The following SHC1 variants were observed in gnomAD, a reference collection of about 807,000 sequenced individuals.
SHC1 encodes SHC-transforming protein 1.
Under a neutral mutation model 55.9 loss-of-function variants are expected in SHC1, and 30 were observed. That is an observed-to-expected ratio of 0.54 (90% CI 0.40 to 0.73). SHC1 has a LOEUF of 0.73. SHC1 is among the 30% of genes least tolerant of loss of function. The pLI is 0.00. For synonymous variants in SHC1, 309 were observed against 306.1 expected, an observed-to-expected ratio of 1.01 and a Z score of -0.10; for missense variants, 675 against 777.1, an observed-to-expected ratio of 0.87 and a Z score of 1.56.
rs749625564 is a variant in SHC1, at chr1:154,966,176, G to A, written c.1238C>T (p.Pro413Leu). 2.5e-6 allele frequency: 4 copies of A among 1,614,166 alleles called. No homozygotes were observed. Among genetic ancestry groups the A allele is most frequent in the Non-Finnish European group, 2.5e-6 (3 of 1,180,010 alleles). Residue 413 changes from proline to leucine, a missense_variant, in exon 9 of 12, where the codon CCA becomes CTA. Physicochemically the swap from Pro to Leu is moderately conservative, Grantham distance 98 (BLOSUM62 -3). This residue lies in a region of SHC1 where 360 missense variants were observed against 371.1 expected (regional missense o/e 0.97). Transcript: ENST00000448116. ...TCCCTTCATACCTGGACAGGGTGGT[G>A]GAGGTGGCATCTGTTTGCGGACTTC... ...DPEVRKQMPP[P>L]PPCPAGRELF...
chr1:154,967,312 C>T (rs936188944), intron 7 of SHC1, among the ~76,000 whole-genome samples: 12 of 152,110 alleles, frequency 7.9e-5, no homozygotes, highest in Admixed American at 4.6e-4. Flanking sequence ...AAGAGATATC[C>T]TCCCAAACCC....
At position 154,963,884 on chromosome 1, in the gene SHC1, G is replaced by A; in HGVS notation, c.1674C>T (p.Ser558=). 6.2e-7 allele frequency: 1 copy of A among 1,614,166 alleles called. No individual in the cohort carries two copies. Among genetic ancestry groups the A allele is most frequent in the Admixed American group, 1.7e-5 (1 of 60,026 alleles). Residue 558 remains serine (S), a synonymous_variant, in exon 12 of 12, where the codon AGC becomes AGT. Transcript: ENST00000448116. ...HRFESVSHLI[S]YHMDNHLPII... Reference sequence around the variant, plus strand: ...TGGGCAAGTGATTGTCCATGTGGTAGCTGATAAGGTGACTGACACTTTCAA... The same window carrying A: ...TGGGCAAGTGATTGTCCATGTGGTAACTGATAAGGTGACTGACACTTTCAA...
chr1:154,971,495 C>G (rs1472295472), upstream of SHC1, among the ~76,000 whole-genome samples: 2 of 152,198 alleles, frequency 1.3e-5, no homozygotes, highest in African/African-American at 4.8e-5. Context: ...ACACCAAGAC[C>G]GATGGCTCAT....
intron 2 of SHC1, among the ~76,000 whole-genome samples, chr1:154,969,143 A>T (rs1187593958): frequency 1.3e-5 from 2 of 152,076 alleles, no homozygotes; most frequent in Non-Finnish European, 2.9e-5. Flanking sequence ...TCCACCTGCC[A>T]GCTGCTTCTG....
chr1:154,972,126 T>C (rs1385467003), upstream of SHC1, among the ~76,000 whole-genome samples: 3 of 151,570 alleles, frequency 2.0e-5, no homozygotes, highest in Non-Finnish European at 4.4e-5. Flanking sequence ...CGGGCACCTG[T>C]AATCCCAGCT....
rs1656628809 is a variant in SHC1, at chr1:154,970,499, A to T, written c.28T>A (p.Tyr10Asn). 1.9e-6 allele frequency: 3 copies of T among 1,611,138 alleles called. No individual in the cohort carries two copies. Among genetic ancestry groups the T allele is most frequent in the Non-Finnish European group, 2.5e-6 (3 of 1,179,098 alleles). MDLLPPKPKYNPLRNESLSS... is the reference protein window; with the variant it reads MDLLPPKPKNNPLRNESLSS... ...AGAGACTCATTCCGGAGTGGATTGT[A>T]CTTGGGCTTGGGGGGCAGGAGATCC... The change falls in exon 1 of 12, where the codon TAC becomes AAC. Residue 10 changes from tyrosine to asparagine, a missense_variant. Tyr to Asn is a moderately radical substitution (Grantham distance 143). Coordinates refer to ENST00000448116, the MANE Select transcript of SHC1 (RefSeq NM_001130040.2). The surrounding 1 kb of genome is among the most constrained non-coding windows in gnomAD (Gnocchi z 5.5).
At chr1:154,972,307 G>A (rs1364717248), upstream of SHC1, among the ~76,000 whole-genome samples, 3 of 151,796 alleles carry the variant, frequency 2.0e-5, no homozygotes, top group African/African-American at 7.3e-5. Flanking sequence ...ATTTACTTCA[G>A]AGAATTAAAA....
chr1:154,968,786 CG>C lies in SHC1; in HGVS notation c.614del (p.Ala205GlyfsTer21), dbSNP rs1558059090. Reference protein sequence around the residue: ...VCEAVPGAKGATRRRKPCSRP... With the variant: ...VCEAVPGAKGXTRRRKPCSRP... ...CCCCAAGTACCTTTCTCCTCCTTGT[CG>C]CCCCCTTAGCACCCGGCACAGCCTC... On this transcript the variant is annotated frameshift_variant, in exon 3 of 12. Transcript: ENST00000448116. LOFTEE classifies it high-confidence loss of function. The C allele has an allele frequency of 6.2e-7, 1 of 1,613,738 alleles. No homozygotes were observed. Among genetic ancestry groups the C allele is most frequent in the East Asian group, 2.2e-5 (1 of 44,868 alleles).
At chr1:154,972,995 C>T (rs16836583), upstream of SHC1, among the ~76,000 whole-genome samples, 1,188 of 152,172 alleles carry the variant, frequency 7.8e-3, 17 homozygotes, top group African/African-American at 0.027. Context: ...TAGTAGAAAA[C>T]TTTTGCTCAT....
In SHC1 at chr1:154,962,562, G is replaced by A. The variant is rs933197532; in HGVS notation, c.*1241C>T. Reference sequence around the variant, plus strand: ...CATTCGGGCTGACTTCTGCCTCTCAGTCTCGCGGTAAGAGACCCAAGTTTT... The same window carrying A: ...CATTCGGGCTGACTTCTGCCTCTCAATCTCGCGGTAAGAGACCCAAGTTTT... On this transcript the variant is annotated 3_prime_UTR_variant, in exon 12 of 12. Coordinates refer to ENST00000448116, the MANE Select transcript of SHC1 (RefSeq NM_001130040.2). 1 of 152,350 alleles carries A rather than the reference G, an allele frequency of 6.6e-6. No homozygotes were observed. The highest frequency in any genetic ancestry group is 2.1e-4 in the South Asian group (1 of 4,828). The allele number at this position is 152,350 out of a possible 1,614,324, so 9.4% of individuals were successfully genotyped here.
chr1:154,969,491 AC>A, intron 1 of SHC1, 43 bp from the exon 2 acceptor site: 2 of 1,349,420 alleles, frequency 1.5e-6, no homozygotes, highest in Non-Finnish European at 2.1e-6. Context: ...CGGCTCCCCC[AC>A]CCCAGCCCCT....
rs1393249547 is a variant in SHC1, at chr1:154,962,570, G to GT, written c.*1232dup. 1 of 152,382 alleles carries GT rather than the reference G, an allele frequency of 6.6e-6. No individual in the cohort carries two copies. The highest frequency in any genetic ancestry group is 1.5e-5 in the Non-Finnish European group (1 of 68,040). The allele number at this position is 152,382 out of a possible 1,614,324, so 9.4% of individuals were successfully genotyped here. ...CTGACTTCTGCCTCTCAGTCTCGCG[G>GT]TAAGAGACCCAAGTTTTTCTAGTCC... On this transcript the variant is annotated 3_prime_UTR_variant, in exon 12 of 12. Transcript: ENST00000448116.
Position 154,963,863 on chromosome 1 carries a change from C to G in SHC1, c.1695G>C (p.Leu565Phe), listed in dbSNP as rs1655582826. ...HLISYHMDNH[L>F]PIISAGSELC... ...GTTCGCTGCCCGCAGAGATGATGGG[C>G]AAGTGATTGTCCATGTGGTAGCTGA... Residue 565 changes from leucine (L) to phenylalanine (F), a missense_variant, in exon 12 of 12, where the codon TTG becomes TTC. Coordinates refer to ENST00000448116, the MANE Select transcript of SHC1 (RefSeq NM_001130040.2). 6.2e-7 allele frequency: 1 copy of G among 1,614,136 alleles called. No individual in the cohort carries two copies. The highest frequency in any genetic ancestry group is 8.5e-7 in the Non-Finnish European group (1 of 1,179,996).
chr1:154,967,854 A>AG, intron 6 of SHC1, 57 bp from the exon 7 acceptor site: 1 of 1,607,834 alleles, frequency 6.2e-7, no homozygotes, highest in Admixed American at 1.7e-5. Flanking sequence ...AGGCACAGAC[A>AG]GGGGCCCTCA....
At position 154,965,929 on chromosome 1, in the gene SHC1, G is replaced by C; in HGVS notation, c.1387+17C>G. 6.2e-7 allele frequency: 1 copy of C among 1,602,394 alleles called. No homozygotes were observed. The highest frequency in any genetic ancestry group is 8.5e-7 in the Non-Finnish European group (1 of 1,171,778). On this transcript the variant is annotated intron_variant, in intron 10 of 11. Transcript: ENST00000448116. ...TAGAAAGGTGGGGATGCAGAGAGGA[G>C]AGAGACGAGCACTCACTCATGTCAA...
intron 6 of SHC1, 54 bp from the exon 7 acceptor site, chr1:154,967,851 G>A (rs776106192): frequency 8.1e-6 from 13 of 1,608,594 alleles, no homozygotes; most frequent in Non-Finnish European, 1.0e-5. Flanking sequence ...AGGAGGCACA[G>A]ACAGGGGCCC....
At chr1:154,973,927 G>A (rs1368874773), upstream of SHC1, among the ~76,000 whole-genome samples, 1 of 152,152 alleles carries the variant, frequency 6.6e-6, no homozygotes, top group Non-Finnish European at 1.5e-5. Context: ...TAGGCCTTTT[G>A]ACAGGAGTTA....
rs763429772 is a variant in SHC1, at chr1:154,966,527, A to G, written c.984-10T>C. The G allele has an allele frequency of 3.2e-6, 5 of 1,553,476 alleles. No individual in the cohort carries two copies. The Admixed American group carries it at 7.5e-5, about 23-fold the overall frequency. Reference sequence around the variant, plus strand: ...ATCAAAGCCAGCCATCCTGAGGGACAGGACAGTGAAGCTGTGGCTGTAAAT... The same window carrying G: ...ATCAAAGCCAGCCATCCTGAGGGACGGGACAGTGAAGCTGTGGCTGTAAAT... On this transcript the variant is annotated splice_polypyrimidine_tract_variant and intron_variant, in intron 7 of 11. Coordinates refer to ENST00000448116, the MANE Select transcript of SHC1 (RefSeq NM_001130040.2).
At chr1:154,966,621 T>G in intron 7 of SHC1, 104 bp from the exon 8 acceptor site, 1 of 771,448 alleles carries the variant, frequency 1.3e-6, no homozygotes, top group Non-Finnish European at 2.1e-6. Context: ...TACTATGGAT[T>G]AAGCCTGAGG....
Sources: allele counts gnomAD v4.1 joint callset (sites outside exome capture counted in the v4.1 genomes callset), GRCh38; gene constraint gnomAD v4.1.1; regional missense constraint gnomAD v4.1.1; non-coding constraint Gnocchi (gnomAD v3.1); transcripts MANE v1.5; gene names NCBI Gene and HGNC (gene_info 2026-07-23, HGNC 2026-07-21).